Variants in ABCC8 observed in about 807,000 individuals in gnomAD.
ABCC8 encodes the protein ATP binding cassette subfamily C member 8.
ABCC8 carries 137 observed loss-of-function variants against 188.0 expected under a neutral mutation model. The ratio of observed to expected loss-of-function variants is 0.73; its 90% CI spans 0.63 to 0.84. The LOEUF (loss-of-function observed/expected upper bound fraction) is 0.84. Among genes scored for constraint, ABCC8 ranks in the 40% least tolerant of loss-of-function variants. The pLI is 0.00. For synonymous variants in ABCC8, 797 were observed against 846.5 expected, an observed-to-expected ratio of 0.94 and a Z score of 1.01; for missense variants, 1,750 against 2,072.7, an observed-to-expected ratio of 0.84 and a Z score of 3.02.
At chr11:17,476,586 T>C (rs779819086) in intron 1 of ABCC8, 43 bp downstream of exon 1, 4 of 1,600,488 alleles carry the variant, frequency 2.5e-6, no homozygotes, top group Non-Finnish European at 3.4e-6. Flanking sequence ...CCTCCCTCCC[T>C]GCTCTCCCGT....
intron 7 of ABCC8, among the ~76,000 whole-genome samples, chr11:17,448,895 T>G (rs1193331324): frequency 6.6e-6 from 1 of 152,136 alleles, no homozygotes; most frequent in Non-Finnish European, 1.5e-5. Flanking sequence ...AGACAGGACT[T>G]AATTGGTTCT....
intron 7 of ABCC8, among the ~76,000 whole-genome samples, chr11:17,449,561 T>G (rs1956678781): frequency 6.6e-6 from 1 of 152,156 alleles, no homozygotes; most frequent in African/African-American, 2.4e-5. Context: ...CTCCCCGAGC[T>G]CTGAACCTAA....
chr11:17,476,001 C>G (rs1591931955), intron 1 of ABCC8, among the ~76,000 whole-genome samples: 1 of 152,200 alleles, frequency 6.6e-6, no homozygotes, highest in Non-Finnish European at 1.5e-5. Flanking sequence ...CTACTTTGCG[C>G]AGAGCCTGAG....
Position 17,404,784 on chromosome 11 carries a change from G to T in ABCC8, c.3400-115C>A. ...ATTTTTTGATCCTTTATTTTTTTGA[G>T]ACTGAGTCTCACTGTTGCCCAGACT... On this transcript the variant is annotated intron_variant, in intron 27 of 38. Coordinates refer to ENST00000389817, the MANE Select transcript of ABCC8 (RefSeq NM_000352.6). The surrounding 1 kb of genome is among the most constrained non-coding windows in gnomAD (Gnocchi z 4.7). 1 of 1,469,746 alleles carries T rather than the reference G, an allele frequency of 6.8e-7. No individual in the cohort carries two copies. The highest frequency in any genetic ancestry group is 9.2e-7 in the Non-Finnish European group (1 of 1,083,290). 91.0% of individuals were successfully genotyped at this position (1,469,746 alleles called of 1,614,324 possible).
At chr11:17,435,574 T>A in intron 10 of ABCC8, 1 of 1,350,442 alleles carries the variant, frequency 7.4e-7, no homozygotes, top group Non-Finnish European at 1.1e-6. Flanking sequence ...TTTAAACAAA[T>A]AAGGAGAACT....
rs1848799538 is a variant in ABCC8, at chr11:17,476,668, C to T, written c.109G>A (p.Val37Ile). The part of the protein sequence containing the change: ...FVDALNVVPH[V>I]FLLFITFPIL... ...GGGAAGGTGATGAAGAGTAGGAAGA[C>T]GTGCGGCACCACGTTGAGCGCGTCC... The change falls in exon 1 of 39, where the codon GTC becomes ATC. Residue 37 changes from valine to isoleucine, a missense_variant. Coordinates refer to ENST00000389817, the MANE Select transcript of ABCC8 (RefSeq NM_000352.6). 1 of 1,612,236 alleles carries T rather than the reference C, an allele frequency of 6.2e-7. No homozygotes were observed. Among genetic ancestry groups the T allele is most frequent in the Non-Finnish European group, 8.5e-7 (1 of 1,179,404 alleles).
chr11:17,402,604 G>A, intron 29 of ABCC8, 57 bp downstream of exon 29: 2 of 1,614,096 alleles, frequency 1.2e-6, no homozygotes, highest in Admixed American at 1.7e-5. Context: ...CTCATGGCCT[G>A]TGCCCCCTGG....
intron 23 of ABCC8, 159 bp downstream of exon 23, chr11:17,408,233 G>T: frequency 1.5e-6 from 1 of 688,878 alleles, no homozygotes; most frequent in South Asian, 1.8e-5. Flanking sequence ...CACAGGTACT[G>T]TCTCTCCTCT....
rs367793904 is a variant in ABCC8 at position 17,448,903 on chromosome 11, T to C, written c.1177-232A>G. ...TTCCTGTAGACAGGACTTAATTGGT[T>C]CTTTATTTTTATTTAATTTAATTCA... On this transcript the variant is annotated intron_variant, in intron 7 of 38. Transcript: ENST00000389817. Among the ~76,000 whole-genome samples the C allele has an allele frequency of 2.5e-4, 38 of 152,220 alleles. No homozygotes were observed. In the Middle Eastern group the frequency reaches 0.02, roughly 82 times the overall value.
intron 17 of ABCC8, among the ~76,000 whole-genome samples, chr11:17,415,627 T>C (rs961932120): frequency 2.0e-5 from 3 of 152,084 alleles, no homozygotes; most frequent in Non-Finnish European, 4.4e-5. Flanking sequence ...GGAAAACTTG[T>C]CAGATCAGGA....
At chr11:17,407,889 G>A (rs771418720) in intron 23 of ABCC8, among the ~76,000 whole-genome samples, 2 of 152,292 alleles carry the variant, frequency 1.3e-5, no homozygotes, top group South Asian at 2.1e-4. Flanking sequence ...TGAGCTGGGA[G>A]AATGTAAACC....
chr11:17,448,335 T>C, intron 8 of ABCC8, 181 bp downstream of exon 8: 1 of 649,656 alleles, frequency 1.5e-6, no homozygotes, highest in Non-Finnish European at 2.8e-6. Context: ...AGATGGTCAG[T>C]GCTTGCAGAG....
chr11:17,413,383 C>G lies in ABCC8; in HGVS notation c.2475+11G>C. On this transcript the variant is annotated intron_variant, in intron 20 of 38. Coordinates refer to ENST00000389817, the MANE Select transcript of ABCC8 (RefSeq NM_000352.6). ...TGGCTTTGAAAAAACCCCTCAGAGGCTGCTACTAACCCGTTCCCCAATCTG... is the reference window on the plus strand; with the variant it reads ...TGGCTTTGAAAAAACCCCTCAGAGGGTGCTACTAACCCGTTCCCCAATCTG... 1 of 1,614,198 alleles carries G rather than the reference C, an allele frequency of 6.2e-7. No homozygotes were observed. Among genetic ancestry groups the G allele is most frequent in the Non-Finnish European group, 8.5e-7 (1 of 1,180,034 alleles).
intron 17 of ABCC8, 110 bp downstream of exon 17, chr11:17,416,820 C>T: frequency 6.7e-7 from 1 of 1,484,692 alleles, no homozygotes; most frequent in Non-Finnish European, 9.3e-7. Flanking sequence ...AATATGTAGG[C>T]TGCACATCCC....
chr11:17,456,366 T>C (rs550676864), intron 6 of ABCC8, among the ~76,000 whole-genome samples: 2 of 151,134 alleles, frequency 1.3e-5, no homozygotes, highest in South Asian at 4.2e-4. Flanking sequence ...ATAAATGAGT[T>C]AGCTGCAGAG....
intron 3 of ABCC8, among the ~76,000 whole-genome samples, chr11:17,469,557 A>C: frequency 6.7e-6 from 1 of 148,400 alleles, no homozygotes; most frequent in East Asian, 2.0e-4. Flanking sequence ...ACCACAGCCC[A>C]CCTCCCCCTC....
At chr11:17,468,065 A>T (rs1591910528) in intron 3 of ABCC8, among the ~76,000 whole-genome samples, 1 of 152,346 alleles carries the variant, frequency 6.6e-6, no homozygotes, top group East Asian at 1.9e-4. Context: ...AAATGGAAGC[A>T]GGGTGGCTCT....
chr11:17,394,429 A>G, intron 36 of ABCC8, 30 bp from the exon 37 acceptor site: 2 of 1,614,082 alleles, frequency 1.2e-6, no homozygotes, highest in Non-Finnish European at 8.5e-7. Flanking sequence ...ATGAAGTAGG[A>G]CTGAGTTAAT....
intron 4 of ABCC8, among the ~76,000 whole-genome samples, chr11:17,462,094 G>C (rs1449762572): frequency 7.9e-5 from 12 of 152,196 alleles, no homozygotes; most frequent in Non-Finnish European, 1.5e-5. Flanking sequence ...GGTTGGGGAG[G>C]AGCAGGAATC....
Sources: gnomAD v4.1 joint callset for allele counts (sites outside exome capture counted in the v4.1 genomes callset) on GRCh38, gnomAD v4.1.1 for gene constraint, Gnocchi (gnomAD v3.1) non-coding constraint, MANE v1.5 for transcripts, NCBI Gene and HGNC (gene_info 2026-07-23, HGNC 2026-07-21) for gene names.